RSPO4: variants seen among roughly 807,000 people sequenced by gnomAD.
RSPO4 encodes R-spondin 4.
RSPO4 carries 23 observed loss-of-function variants against 24.8 expected under a neutral mutation model. The observed-to-expected ratio is 0.93, with a 90% confidence interval of 0.67 to 1.31. The LOEUF (loss-of-function observed/expected upper bound fraction) is 1.31. RSPO4 is among the 40% of genes most tolerant of loss of function. The pLI is 0.00. For missense variants in RSPO4, 333 were observed against 316.5 expected (o/e 1.05, Z -0.39); for synonymous variants, 141 against 127.4 (o/e 1.11, Z -0.72).
intron 1 of RSPO4, among the ~76,000 whole-genome samples, chr20:997,446 A>G (rs1285630670): frequency 1.3e-5 from 2 of 152,238 alleles, no homozygotes; most frequent in Non-Finnish European, 2.9e-5. Context: ...TTTCTCAACC[A>G]GCCCCTATGC....
chr20:984,802 T>C (rs12480611), intron 1 of RSPO4, among the ~76,000 whole-genome samples: 42,761 of 152,076 alleles, frequency 0.28, 9,863 homozygotes, highest in African/African-American at 0.63. Flanking sequence ...ATCTGTCAAA[T>C]GGATGGTTAA....
intron 1 of RSPO4, among the ~76,000 whole-genome samples, chr20:978,620 G>A (rs527847695): frequency 1.3e-5 from 2 of 152,262 alleles, no homozygotes; most frequent in Admixed American, 6.5e-5. Flanking sequence ...AGGCCCATAC[G>A]AATGTGGAGA....
rs1555797904 is a variant in RSPO4 at position 998,985 on chromosome 20, C to CTCT, written c.79+3100_79+3101insAGA. Among the ~76,000 whole-genome samples, 46 of 131,838 alleles carry CTCT rather than the reference C, an allele frequency of 3.5e-4. 2 individuals are homozygous for CTCT. Among genetic ancestry groups the CTCT allele is most frequent in the East Asian group, 2.2e-3 (10 of 4,604 alleles). 86.5% of individuals were successfully genotyped at this position (131,838 alleles called of 152,430 possible). ...GGGAAAGGTCACTCTCTCTCGCTCT[C>CTCT]TTTTTTTTTTTTTTTTTTTGAGACA... On this transcript the variant is annotated intron_variant, in intron 1 of 4. Coordinates refer to ENST00000217260, the MANE Select transcript of RSPO4 (RefSeq NM_001029871.4).
At chr20:967,822 T>G (rs1600090068) in intron 2 of RSPO4, 128 bp downstream of exon 2, 3 of 954,350 alleles carry the variant, frequency 3.1e-6, no homozygotes, top group Non-Finnish European at 1.7e-6. Context: ...CACAGGCAGG[T>G]ATCTCAGAGT....
At chr20:996,794 C>G (rs1250355996) in intron 1 of RSPO4, among the ~76,000 whole-genome samples, 3 of 152,136 alleles carry the variant, frequency 2.0e-5, no homozygotes, top group African/African-American at 7.2e-5. Flanking sequence ...GACTCTGGCC[C>G]AATCTGCAAT....
chr20:990,041 G>A (rs1034541865), intron 1 of RSPO4, among the ~76,000 whole-genome samples: 1 of 152,208 alleles, frequency 6.6e-6, no homozygotes, highest in South Asian at 2.1e-4. Flanking sequence ...TGAGAAAACT[G>A]AGGCTCGGAG....
Position 967,185 on chromosome 20 carries a change from C to T in RSPO4, c.398G>A (p.Arg133Gln), listed in dbSNP as rs779231306. Residue 133 changes from arginine to glutamine, a missense_variant, in exon 3 of 5, where the codon CGG becomes CAG. Coordinates refer to ENST00000217260, the MANE Select transcript of RSPO4 (RefSeq NM_001029871.4). The part of the protein sequence containing the change: ...PPGTLAHQNT[R>Q]ECQGECELGP... ...AGGTCCCCACTCACCCTGGCACTCC[C>T]GTGTGTTCTGGTGGGCCAAAGTGCC... The T allele has an allele frequency of 3.9e-5, 63 of 1,613,804 alleles. No homozygotes were observed. Among genetic ancestry groups the T allele is most frequent in the South Asian group, 3.6e-4 (33 of 91,082 alleles).
At chr20:997,467 C>A (rs1985331517) in intron 1 of RSPO4, among the ~76,000 whole-genome samples, 1 of 152,224 alleles carries the variant, frequency 6.6e-6, no homozygotes, top group Non-Finnish European at 1.5e-5. Flanking sequence ...TATGAAGAAA[C>A]CGAAGCCGAG....
rs77905446 is a variant in RSPO4, at chr20:979,333, C to A, written c.80-11195G>T. On this transcript the variant is annotated intron_variant, in intron 1 of 4. Transcript: ENST00000217260. ...CCTTCCCACATTCACCCGCAAGGCT[C>A]CCTCCCTCAAATGTCTCCTTGTGGG... Among the ~76,000 whole-genome samples, 3,278 of 152,204 alleles carry A rather than the reference C, an allele frequency of 0.022. 190 individuals are homozygous for A. The East Asian group carries it at 0.23, about 11-fold the overall frequency.
chr20:973,031 G>T (rs537225030), intron 1 of RSPO4, among the ~76,000 whole-genome samples: 5 of 152,242 alleles, frequency 3.3e-5, no homozygotes, highest in African/African-American at 7.2e-5. Flanking sequence ...GAGAAAAACC[G>T]AGAATCAAGG....
At chr20:999,166 T>C (rs1021168886) in intron 1 of RSPO4, among the ~76,000 whole-genome samples, 3 of 152,066 alleles carry the variant, frequency 2.0e-5, no homozygotes, top group Non-Finnish European at 2.9e-5. Context: ...TGGCTATTTT[T>C]TGTATTTTTT....
intron 2 of RSPO4, 44 bp from the exon 3 acceptor site, chr20:967,358 G>C (rs543186837): frequency 6.2e-7 from 1 of 1,610,010 alleles, no homozygotes; most frequent in South Asian, 1.1e-5. Flanking sequence ...AGACTGCCAA[G>C]GATGGGGCCC....
chr20:964,684 A>G (rs1327097751), intron 3 of RSPO4, among the ~76,000 whole-genome samples: 3 of 138,314 alleles, frequency 2.2e-5, no homozygotes, highest in South Asian at 2.2e-4. Context: ...ATATACATGT[A>G]TATATATATA....
chr20:997,742 C>T lies in RSPO4; in HGVS notation c.79+4344G>A, dbSNP rs997562808. 3.1e-4 allele frequency among the ~76,000 whole-genome samples: 47 copies of T among 152,168 alleles called. 1 individual carries two copies. Among genetic ancestry groups the T allele is most frequent in the Admixed American group, 2.7e-3 (42 of 15,274 alleles). On this transcript the variant is annotated intron_variant, in intron 1 of 4. Transcript: ENST00000217260. ...TCCACAAGGGGCTTTGCAATTTAAA[C>T]GGAAGCATCATATTCACTCCACATA...
intron 1 of RSPO4, among the ~76,000 whole-genome samples, chr20:1,000,855 CCA>C (rs1219694872): frequency 6.6e-6 from 1 of 152,188 alleles, no homozygotes; most frequent in Non-Finnish European, 1.5e-5. Context: ...GCCTCTTGGG[CCA>C]CAGTCTCCCC....
At position 959,065 on chromosome 20, in the gene RSPO4, C is replaced by CTGGTGGTGGGTGTGGGGGAGTG. The variant is rs1568897515; in HGVS notation, c.*1291_*1292insCACTCCCCCACACCCACCACCA. On this transcript the variant is annotated 3_prime_UTR_variant, in exon 5 of 5. Coordinates refer to ENST00000217260, the MANE Select transcript of RSPO4 (RefSeq NM_001029871.4). ...CAGCGAAGCACAGATGCTCAAGTCA[C>CTGGTGGTGGGTGTGGGGGAGTG]TGGTGGTGGGTGTGGGCGAGTGTGG... 6 of 149,340 alleles carry CTGGTGGTGGGTGTGGGGGAGTG rather than the reference C, an allele frequency of 4.0e-5. No homozygotes were observed. Among genetic ancestry groups the CTGGTGGTGGGTGTGGGGGAGTG allele is most frequent in the African/African-American group, 7.7e-5 (3 of 38,882 alleles). 9.3% of individuals were successfully genotyped at this position (149,340 alleles called of 1,614,324 possible). A position where few individuals can be genotyped will look rare whatever the true frequency, so the allele number is the denominator to read the frequency against.
In RSPO4 at chr20:967,302, G is replaced by A. The variant is rs1984244278; in HGVS notation, c.281C>T (p.Thr94Ile). Residue 94 changes from threonine to isoleucine, a missense_variant, in exon 3 of 5, where the codon ACT (threonine) becomes ATT (isoleucine). Coordinates refer to ENST00000217260, the MANE Select transcript of RSPO4 (RefSeq NM_001029871.4). ...GTCCTGGCTGAAGCAGCTCTCACAA[G>A]TGGCCCCACATTCTGTAATAGAGCC... ...EVNRCKKCGA[T>I]CESCFSQDFC... is the part of the protein sequence containing the mutation. The A allele has an allele frequency of 6.2e-7, 1 of 1,614,156 alleles. No homozygotes were observed. Among genetic ancestry groups the A allele is most frequent in the South Asian group, 1.1e-5 (1 of 91,090 alleles).
chr20:973,536 C>T (rs1283081841), intron 1 of RSPO4, among the ~76,000 whole-genome samples: 5 of 152,122 alleles, frequency 3.3e-5, no homozygotes, highest in African/African-American at 7.2e-5. Context: ...TGTAGTGGTG[C>T]GATCTCAGCT....
intron 1 of RSPO4, among the ~76,000 whole-genome samples, chr20:969,272 T>C (rs1272675210): frequency 6.6e-6 from 1 of 152,244 alleles, no homozygotes; most frequent in Non-Finnish European, 1.5e-5. Flanking sequence ...TTTGTGCCAC[T>C]GTACTCCAGT....
Sources: allele counts gnomAD v4.1 joint callset (sites outside exome capture counted in the v4.1 genomes callset), GRCh38; gene constraint gnomAD v4.1.1; transcripts MANE v1.5; gene names NCBI Gene and HGNC (gene_info 2026-07-23, HGNC 2026-07-21).